Variants in EYS observed in about 807,000 individuals in gnomAD.
The protein encoded by EYS is protein eyes shut homolog.
Under a neutral mutation model 282.1 loss-of-function variants are expected in EYS, and 250 were observed. The observed-to-expected ratio is 0.89, with a 90% CI of 0.80 to 0.98. The LOEUF (loss-of-function observed/expected upper bound fraction) is 0.98. EYS is among the 50% of genes least tolerant of loss of function. The pLI is 0.00. For synonymous variants in EYS, 1,355 were observed against 1,282.9 expected (o/e 1.06, Z -1.20); for missense variants, 4,016 against 3,709.0 (o/e 1.08, Z -2.15).
At chr6:64,650,893 A>G (rs1768532358) in intron 22 of EYS, among the ~76,000 whole-genome samples, 1 of 152,068 alleles carries the variant, frequency 6.6e-6, no homozygotes, top group South Asian at 2.1e-4. Flanking sequence ...TCACAAAAAT[A>G]CCACAGCAAT....
At chr6:64,177,809 A>C (rs1291492172) in intron 31 of EYS, among the ~76,000 whole-genome samples, 1 of 152,122 alleles carries the variant, frequency 6.6e-6, no homozygotes, top group Non-Finnish European at 1.5e-5. Flanking sequence ...TAGTGGTCAG[A>C]AGTTCCACTT....
chr6:65,302,936 A>G (rs1768893269), intron 11 of EYS: 1 of 1,613,336 alleles, frequency 6.2e-7, no homozygotes. Context: ...GCGGAGCGTT[A>G]TGAAAGTAGA....
At chr6:65,566,939 A>C (rs1178908163) in intron 2 of EYS, among the ~76,000 whole-genome samples, 1 of 152,156 alleles carries the variant, frequency 6.6e-6, no homozygotes, top group African/African-American at 2.4e-5. Context: ...TACTTAGCAC[A>C]TCATCATGAT....
At chr6:65,183,475 T>G (rs1260229806) in intron 12 of EYS, among the ~76,000 whole-genome samples, 1 of 151,920 alleles carries the variant, frequency 6.6e-6, no homozygotes, top group East Asian at 1.9e-4. Context: ...ATATGGAATT[T>G]TGATGATGTG....
At chr6:65,137,621 T>C (rs1025879424) in intron 12 of EYS, among the ~76,000 whole-genome samples, 1 of 151,982 alleles carries the variant, frequency 6.6e-6, no homozygotes, top group Non-Finnish European at 1.5e-5. Flanking sequence ...AATTAGCTCA[T>C]GTGAGTGATA....
At chr6:65,229,086 C>G (rs752143577) in intron 12 of EYS, among the ~76,000 whole-genome samples, 2 of 151,858 alleles carry the variant, frequency 1.3e-5, no homozygotes, top group Non-Finnish European at 2.9e-5. Context: ...AGCAAAGAAA[C>G]TGGTAGAAGA....
chr6:64,435,597 C>T (rs1774715848), intron 28 of EYS, among the ~76,000 whole-genome samples: 1 of 150,628 alleles, frequency 6.6e-6, no homozygotes, highest in Non-Finnish European at 1.5e-5. Flanking sequence ...GGAGGTAAGG[C>T]ACATAACAAA....
In EYS at chr6:64,593,241, T is replaced by C; in HGVS notation, c.3753A>G (p.Gln1251=). ...TCTGTGTGGAAATGGGATCTGTTCT[T>C]TGAAAGATGGGAGTTAAACAGGTAA... ...RRITCLTPIF[Q]RTDPISTQTY... Residue 1251 remains glutamine, a synonymous_variant, in exon 25 of 43, where the codon CAA becomes CAG. Coordinates refer to ENST00000503581, the MANE Select transcript of EYS (RefSeq NM_001142800.2). 1 of 1,550,768 alleles carries C rather than the reference T, an allele frequency of 6.4e-7. No individual in the cohort carries two copies. Among genetic ancestry groups the C allele is most frequent in the Non-Finnish European group, 8.7e-7 (1 of 1,146,474 alleles).
chr6:64,910,305 A>C (rs926729755), intron 16 of EYS, among the ~76,000 whole-genome samples: 1 of 152,146 alleles, frequency 6.6e-6, no homozygotes, highest in African/African-American at 2.4e-5. Flanking sequence ...ACCCAGTCAA[A>C]GCTTCTAAAA....
chr6:64,039,158 T>C (rs1770267663), intron 33 of EYS, among the ~76,000 whole-genome samples: 2 of 152,198 alleles, frequency 1.3e-5, no homozygotes, highest in Admixed American at 1.3e-4. Context: ...AATACCTGAC[T>C]GACAAATGTA....
At chr6:65,231,115 T>TTA (rs1333353506) in intron 12 of EYS, among the ~76,000 whole-genome samples, 1 of 142,850 alleles carries the variant, frequency 7.0e-6, no homozygotes, top group Non-Finnish European at 1.5e-5. Flanking sequence ...ATATATGTAT[T>TTA]TATATATATA....
intron 12 of EYS, among the ~76,000 whole-genome samples, chr6:65,094,012 A>G (rs1774650788): frequency 1.3e-5 from 2 of 151,722 alleles, no homozygotes; most frequent in Admixed American, 1.3e-4. Flanking sequence ...TATTTAAGTA[A>G]AAAGGTGTTA....
intron 2 of EYS, among the ~76,000 whole-genome samples, chr6:65,627,560 C>G (rs1309862144): frequency 3.3e-5 from 5 of 152,192 alleles, no homozygotes; most frequent in East Asian, 2.0e-4. Context: ...GGCTGCCTGC[C>G]GCGCTTGCGG....
At chr6:64,122,424 T>A (rs558490324) in intron 31 of EYS, among the ~76,000 whole-genome samples, 3 of 152,262 alleles carry the variant, frequency 2.0e-5, no homozygotes, top group South Asian at 2.1e-4. Flanking sequence ...AAGATTTTTC[T>A]AAGGCTACTA....
intron 28 of EYS, among the ~76,000 whole-genome samples, chr6:64,413,778 GGTCTAAATATTTGT>G (rs1488203962): frequency 6.6e-6 from 1 of 152,096 alleles, no homozygotes; most frequent in Non-Finnish European, 1.5e-5. Context: ...TACATGCTAT[GGTCTAAATATTTGT>G]GTCTTCCCAA....
At chr6:64,698,003 CA>C (rs1304673850) in intron 22 of EYS, among the ~76,000 whole-genome samples, 1 of 151,906 alleles carries the variant, frequency 6.6e-6, no homozygotes, top group Non-Finnish European at 1.5e-5. Flanking sequence ...TCTTGAAATA[CA>C]GCAGTATAAA....
At chr6:64,544,975 A>T (rs1297606870) in intron 26 of EYS, among the ~76,000 whole-genome samples, 1 of 152,196 alleles carries the variant, frequency 6.6e-6, no homozygotes, top group Admixed American at 6.5e-5. Flanking sequence ...TTCTGAAACT[A>T]TTCCAATCAA....
chr6:63,965,906 A>G (rs1276821402), intron 35 of EYS, among the ~76,000 whole-genome samples: 4 of 152,198 alleles, frequency 2.6e-5, no homozygotes, highest in African/African-American at 9.7e-5. Context: ...TCGAAAGAAT[A>G]TGAACCGCAG....
chr6:65,262,362 T>C (rs2150258994), intron 12 of EYS, among the ~76,000 whole-genome samples: 1 of 152,234 alleles, frequency 6.6e-6, no homozygotes, highest in South Asian at 2.1e-4. Context: ...AATGTATAAT[T>C]GAATAAGAAA....
Sources: allele counts gnomAD v4.1 joint callset (sites outside exome capture counted in the v4.1 genomes callset), GRCh38; gene constraint gnomAD v4.1.1; transcripts MANE v1.5; gene names NCBI Gene and HGNC (gene_info 2026-07-23, HGNC 2026-07-21).